Variants in MAGI2 observed in about 807,000 individuals in gnomAD.
MAGI2 encodes the protein membrane-associated guanylate kinase, WW and PDZ domain-containing protein 2.
Under a neutral mutation model 133.3 loss-of-function variants are expected in MAGI2, and 35 were observed. The observed-to-expected ratio is 0.26, with a 90% CI of 0.20 to 0.35. The LOEUF is 0.35. Among genes scored for constraint, MAGI2 ranks in the 10% least tolerant of loss-of-function variants. MAGI2 has a pLI of 1.00. For missense variants in MAGI2, 1,636 were observed against 1,863.4 expected (o/e 0.88, Z 2.25); for synonymous variants, 729 against 710.6 (o/e 1.03, Z -0.41).
At chr7:78,358,946 G>A in intron 7 of MAGI2, 1 of 153,128 alleles carries the variant, frequency 6.5e-6, no homozygotes, top group Non-Finnish European at 1.5e-5. Flanking sequence ...CTTGGGATAT[G>A]GGGGAGCCTA....
intron 1 of MAGI2, among the ~76,000 whole-genome samples, chr7:79,048,866 T>C (rs1812417154): frequency 6.6e-6 from 1 of 152,160 alleles, no homozygotes; most frequent in Non-Finnish European, 1.5e-5. Flanking sequence ...TGCATGCCTG[T>C]AATCCCAGCT....
chr7:78,549,009 GAA>G lies in MAGI2; in HGVS notation c.539-27366_539-27365del, dbSNP rs543261364. ...TTTGTTAAACCTCAATTCATTCAAG[GAA>G]AAAGTTTCTCTTCTTATTTTCTATA... On this transcript the variant is annotated intron_variant, in intron 3 of 21. Transcript: ENST00000354212. Among the ~76,000 whole-genome samples, 702 of 152,182 alleles carry G rather than the reference GAA, an allele frequency of 4.6e-3. 6 individuals carry two copies. The highest frequency in any genetic ancestry group is 0.016 in the African/African-American group (664 of 41,532).
intron 3 of MAGI2, among the ~76,000 whole-genome samples, chr7:78,556,464 C>A (rs1799832033): frequency 6.6e-6 from 1 of 152,096 alleles, no homozygotes; most frequent in Admixed American, 6.5e-5. Context: ...ATCTTCATAT[C>A]CTGAAGTTGT....
rs1477858610 is a variant in MAGI2, at chr7:79,453,123, C to T, written c.198G>A (p.Leu66=). Residue 66 remains leucine (L), a synonymous_variant, in exon 1 of 22, where the codon CTG becomes CTA. Coordinates refer to ENST00000354212, the MANE Select transcript of MAGI2 (RefSeq NM_012301.4). ...CCACGGGGGTCTCGTTCACCTCCAGCAGCAGCTCCTCCGACACCAATTTGC... is the reference window on the plus strand; with the variant it reads ...CCACGGGGGTCTCGTTCACCTCCAGTAGCAGCTCCTCCGACACCAATTTGC... The part of the protein sequence containing the change: ...SGSKLVSEEL[L]LEVNETPVAG... 1 of 1,613,828 alleles carries T rather than the reference C, an allele frequency of 6.2e-7. No individual in the cohort carries two copies. The highest frequency in any genetic ancestry group is 8.5e-7 in the Non-Finnish European group (1 of 1,180,028).
chr7:79,122,949 A>G (rs752304867), intron 1 of MAGI2, among the ~76,000 whole-genome samples: 2 of 152,094 alleles, frequency 1.3e-5, no homozygotes, highest in Non-Finnish European at 2.9e-5. Context: ...TCTTTATAAA[A>G]TAGAGATTAG....
intron 2 of MAGI2, among the ~76,000 whole-genome samples, chr7:78,860,270 G>C (rs1042988973): frequency 6.6e-6 from 1 of 152,204 alleles, no homozygotes; most frequent in African/African-American, 2.4e-5. Flanking sequence ...TCTCCATCCA[G>C]ATTTGTTCCA....
intron 2 of MAGI2, among the ~76,000 whole-genome samples, chr7:78,880,749 T>A (rs1450975041): frequency 6.6e-6 from 1 of 151,670 alleles, no homozygotes; most frequent in Admixed American, 6.6e-5. Flanking sequence ...GTAAATGCTC[T>A]AAATGCTCCA....
chr7:78,602,313 C>T (rs1805290911), intron 3 of MAGI2, among the ~76,000 whole-genome samples: 1 of 152,040 alleles, frequency 6.6e-6, no homozygotes, highest in South Asian at 2.1e-4. Context: ...GTGCCCGCCA[C>T]CATGCCCAGA....
At chr7:78,463,413 C>A (rs1328013130) in intron 6 of MAGI2, among the ~76,000 whole-genome samples, 1 of 152,192 alleles carries the variant, frequency 6.6e-6, no homozygotes, top group Non-Finnish European at 1.5e-5. Flanking sequence ...AAAGAACCAA[C>A]CCAGAAAGAG....
At chr7:79,264,872 A>G (rs1834333608) in intron 1 of MAGI2, among the ~76,000 whole-genome samples, 1 of 151,944 alleles carries the variant, frequency 6.6e-6, no homozygotes, top group African/African-American at 2.4e-5. Context: ...AGAGAGAGAG[A>G]GAGAGAGAGC....
At chr7:78,844,745 A>G (rs1159762235) in intron 2 of MAGI2, among the ~76,000 whole-genome samples, 2 of 151,876 alleles carry the variant, frequency 1.3e-5, no homozygotes, top group African/African-American at 2.4e-5. Context: ...TAGTTATACA[A>G]CACTGCAAAT....
intron 1 of MAGI2, among the ~76,000 whole-genome samples, chr7:79,028,235 G>GTGTATATATA (rs1491124887): frequency 1.0e-4 from 3 of 29,330 alleles, no homozygotes; most frequent in East Asian, 1.1e-3. Flanking sequence ...ATATATGTAT[G>GTGTATATATA]TATATATATA....
In MAGI2 at chr7:79,161,918, T is replaced by A. The variant is rs564034403; in HGVS notation, c.302-154712A>T. On this transcript the variant is annotated intron_variant, in intron 1 of 21. Transcript: ENST00000354212. ...TAGAATACACTATTTTTAAATAAAG[T>A]TCCAGCAAAGCCAATTTAAAAGGAG... 1.8e-3 allele frequency among the ~76,000 whole-genome samples: 267 copies of A among 152,222 alleles called. 2 individuals are homozygous for A. Among genetic ancestry groups the A allele is most frequent in the African/African-American group, 5.8e-3 (241 of 41,576 alleles).
intron 9 of MAGI2, among the ~76,000 whole-genome samples, chr7:78,300,183 T>C (rs1797708723): frequency 6.6e-6 from 1 of 152,214 alleles, no homozygotes; most frequent in Non-Finnish European, 1.5e-5. Context: ...AATTACTATA[T>C]TACAACAGCT....
intron 2 of MAGI2, among the ~76,000 whole-genome samples, chr7:78,954,037 C>T (rs1802082623): frequency 6.6e-6 from 1 of 152,124 alleles, no homozygotes; most frequent in African/African-American, 2.4e-5. Flanking sequence ...ACATACTACG[C>T]ATTTTTCACT....
chr7:78,511,108 T>C (rs1247686274), intron 4 of MAGI2, among the ~76,000 whole-genome samples: 1 of 152,180 alleles, frequency 6.6e-6, no homozygotes, highest in East Asian at 1.9e-4. Context: ...GACTGTTTGC[T>C]TCACTGCTGG....
At chr7:79,018,630 A>G (rs958402113) in intron 1 of MAGI2, among the ~76,000 whole-genome samples, 1 of 152,190 alleles carries the variant, frequency 6.6e-6, no homozygotes, top group African/African-American at 2.4e-5. Context: ...AAAATCTAAC[A>G]ATGTGCTGTC....
intron 2 of MAGI2, among the ~76,000 whole-genome samples, chr7:78,777,639 A>G (rs1269338749): frequency 1.3e-5 from 2 of 152,222 alleles, no homozygotes; most frequent in Non-Finnish European, 2.9e-5. Context: ...AGTAAGTGCT[A>G]GCTTTCACCA....
In MAGI2 at chr7:78,629,911, C is replaced by G. The variant is rs561361901; in HGVS notation, c.419-2672G>C. 2.0e-5 allele frequency among the ~76,000 whole-genome samples: 3 copies of G among 152,070 alleles called. No homozygotes were observed. The East Asian group carries it at 5.8e-4, about 29-fold the overall frequency. ...ATTAAGCCTTTATTGGAATTATCAT[C>G]CATCTTGCTAAGACAAATTTCTTTT... On this transcript the variant is annotated intron_variant, in intron 2 of 21. Coordinates refer to ENST00000354212, the MANE Select transcript of MAGI2 (RefSeq NM_012301.4).
Sources: allele counts gnomAD v4.1 joint callset (sites outside exome capture counted in the v4.1 genomes callset), GRCh38; gene constraint gnomAD v4.1.1; transcripts MANE v1.5; gene names NCBI Gene and HGNC (gene_info 2026-07-23, HGNC 2026-07-21).